ATP8A2: variants seen among roughly 807,000 people sequenced by gnomAD.
The protein encoded by ATP8A2 is phospholipid-transporting ATPase IB.
Under a neutral mutation model 165.6 loss-of-function variants are expected in ATP8A2, and 100 were observed. The observed-to-expected ratio is 0.60, with a 90% CI of 0.51 to 0.71. The LOEUF is 0.71. ATP8A2 is among the 30% of genes least tolerant of loss of function. The probability of loss-of-function intolerance (pLI) is 0.00; values close to 1 mark genes in which losing one functional copy is unlikely to be tolerated. For synonymous variants in ATP8A2, 543 were observed against 548.8 expected, an observed-to-expected ratio of 0.99 and a Z score of 0.15; for missense variants, 1,227 against 1,479.5, an observed-to-expected ratio of 0.83 and a Z score of 2.80.
chr13:25,719,466 G>GAT lies in ATP8A2; in HGVS notation c.2384+20121_2384+20122insAT, dbSNP rs1387407716. 9.2e-4 allele frequency among the ~76,000 whole-genome samples: 139 copies of GAT among 151,630 alleles called. 1 individual carries two copies. Among genetic ancestry groups the GAT allele is most frequent in the African/African-American group, 3.1e-3 (129 of 41,136 alleles). On this transcript the variant is annotated intron_variant, in intron 25 of 36. Transcript: ENST00000381655. ...GGGTGGATGGGTGGATGGGTGGATG[G>GAT]GTGGATGGATGGATGGATGGATGGA...
chr13:25,525,744 C>G (rs2037822279), intron 2 of ATP8A2, among the ~76,000 whole-genome samples: 1 of 151,932 alleles, frequency 6.6e-6, no homozygotes, highest in South Asian at 2.1e-4. Context: ...CCTCTTTGTC[C>G]TTGGTCTTTG....
At chr13:25,420,791 A>T (rs115967023) in intron 1 of ATP8A2, among the ~76,000 whole-genome samples, 203 of 152,358 alleles carry the variant, frequency 1.3e-3, no homozygotes, top group African/African-American at 4.8e-3. Context: ...GTAGGAATCG[A>T]TATCCATGCA....
chr13:25,934,814 G>A (rs746136531), intron 33 of ATP8A2, among the ~76,000 whole-genome samples: 20 of 152,160 alleles, frequency 1.3e-4, no homozygotes, highest in Non-Finnish European at 2.6e-4. Flanking sequence ...GAGTGAAGAC[G>A]GGAAAAGACA....
At chr13:25,786,160 G>A (rs1160759990) in intron 27 of ATP8A2, among the ~76,000 whole-genome samples, 1 of 152,122 alleles carries the variant, frequency 6.6e-6, no homozygotes, top group African/African-American at 2.4e-5. Context: ...ATCACATCAG[G>A]AAACTCATCT....
intron 24 of ATP8A2, among the ~76,000 whole-genome samples, chr13:25,608,824 T>G (rs777020136): frequency 6.6e-6 from 1 of 152,204 alleles, no homozygotes; most frequent in Non-Finnish European, 1.5e-5. Flanking sequence ...GAGAACTGAT[T>G]TTCATGCAGC....
chr13:25,970,200 T>C (rs1717069119), intron 35 of ATP8A2, among the ~76,000 whole-genome samples: 1 of 152,210 alleles, frequency 6.6e-6, no homozygotes, highest in Non-Finnish European at 1.5e-5. Context: ...CATAAGTAAT[T>C]TCTAAGTAAA....
chr13:25,405,351 G>C (rs917078655), intron 1 of ATP8A2, among the ~76,000 whole-genome samples: 1 of 152,224 alleles, frequency 6.6e-6, no homozygotes, highest in African/African-American at 2.4e-5. Flanking sequence ...TACCGCATAT[G>C]ATGAGTCATG....
intron 33 of ATP8A2, among the ~76,000 whole-genome samples, chr13:25,884,428 C>A (rs996216958): frequency 1.3e-5 from 2 of 152,172 alleles, no homozygotes; most frequent in Admixed American, 6.5e-5. Context: ...GCAGATCCCC[C>A]GCTTCTGCTC....
At chr13:25,485,030 C>G (rs74042965) in intron 2 of ATP8A2, among the ~76,000 whole-genome samples, 3,956 of 152,202 alleles carry the variant, frequency 0.026, 177 homozygotes, top group African/African-American at 0.09. Flanking sequence ...TTAAAACTGC[C>G]TCATAGTCAT....
intron 18 of ATP8A2, among the ~76,000 whole-genome samples, chr13:25,573,168 T>A (rs544823519): frequency 6.6e-6 from 1 of 152,332 alleles, no homozygotes; most frequent in Non-Finnish European, 1.5e-5. Context: ...AGAATTTTAA[T>A]CTGAACTATA....
At chr13:25,614,063 T>C (rs2040759532) in intron 24 of ATP8A2, among the ~76,000 whole-genome samples, 1 of 152,222 alleles carries the variant, frequency 6.6e-6, no homozygotes, top group Admixed American at 6.5e-5. Context: ...TTGAGCTTCC[T>C]GTAGTCTAGA....
At chr13:25,697,121 G>T (rs2042850080) in intron 24 of ATP8A2, among the ~76,000 whole-genome samples, 1 of 152,180 alleles carries the variant, frequency 6.6e-6, no homozygotes, top group Non-Finnish European at 1.5e-5. Context: ...TGTAAGAAAT[G>T]CAATTGTCTT....
At chr13:25,642,920 G>C (rs2041569893) in intron 24 of ATP8A2, among the ~76,000 whole-genome samples, 1 of 152,210 alleles carries the variant, frequency 6.6e-6, no homozygotes, top group African/African-American at 2.4e-5. Context: ...GTAGGGACAT[G>C]GATGAAGCTG....
chr13:25,976,330 A>G (rs1956035498), intron 35 of ATP8A2, among the ~76,000 whole-genome samples: 1 of 152,258 alleles, frequency 6.6e-6, no homozygotes, highest in East Asian at 1.9e-4. Context: ...AAGTTTCCTC[A>G]TGTGCAGAAA....
At chr13:25,806,645 A>G (rs970676640) in intron 27 of ATP8A2, among the ~76,000 whole-genome samples, 5 of 152,090 alleles carry the variant, frequency 3.3e-5, no homozygotes, top group Non-Finnish European at 5.9e-5. Context: ...GAACATCTGT[A>G]TACAGGTTTT....
intron 35 of ATP8A2, among the ~76,000 whole-genome samples, chr13:26,007,267 G>T (rs555436001): frequency 6.6e-6 from 1 of 152,210 alleles, no homozygotes; most frequent in African/African-American, 2.4e-5. Context: ...ATTCACAATG[G>T]TCTCCTTTCC....
At chr13:25,766,005 G>A (rs1336870162) in intron 25 of ATP8A2, among the ~76,000 whole-genome samples, 2 of 152,180 alleles carry the variant, frequency 1.3e-5, no homozygotes, top group Admixed American at 6.5e-5. Flanking sequence ...CAGCTTTCTT[G>A]ATCAGTTGGG....
chr13:25,767,863 G>C (rs1404742090), intron 25 of ATP8A2, among the ~76,000 whole-genome samples: 1 of 152,150 alleles, frequency 6.6e-6, no homozygotes. Context: ...CAAGTTGGTA[G>C]AATGAGATGT....
chr13:25,486,722 T>C (rs567286868), intron 2 of ATP8A2, among the ~76,000 whole-genome samples: 1 of 152,286 alleles, frequency 6.6e-6, no homozygotes, highest in East Asian at 1.9e-4. Flanking sequence ...CCCAGCACTT[T>C]GGGAGGCTGA....
Sources: allele counts gnomAD v4.1 joint callset (sites outside exome capture counted in the v4.1 genomes callset), GRCh38; gene constraint gnomAD v4.1.1; transcripts MANE v1.5; gene names NCBI Gene and HGNC (gene_info 2026-07-23, HGNC 2026-07-21).